HSF2BP: variants seen among roughly 807,000 people sequenced by gnomAD.
HSF2BP encodes heat shock transcription factor 2 binding protein.
Under a neutral mutation model 35.0 loss-of-function variants are expected in HSF2BP, and 35 were observed. The observed-to-expected ratio is 1.00, with a 90% CI of 0.76 to 1.32. The LOEUF (loss-of-function observed/expected upper bound fraction) is 1.32, where lower values mean the gene tolerates loss of function less well. Ranked by LOEUF, HSF2BP falls within the 40% of genes most tolerant of loss-of-function variation. HSF2BP has a pLI of 0.00. For synonymous variants in HSF2BP, 114 were observed against 117.4 expected (o/e 0.97, Z 0.18); for missense variants, 326 against 321.7 (o/e 1.01, Z -0.10).
intron 7 of HSF2BP, among the ~76,000 whole-genome samples, chr21:43,609,284 G>A (rs2082173238): frequency 6.6e-6 from 1 of 152,166 alleles, no homozygotes; most frequent in Non-Finnish European, 1.5e-5. Context: ...TCCAAAAGGA[G>A]AGAGGGAGGG....
At chr21:43,608,378 G>A (rs1478303080) in intron 7 of HSF2BP, among the ~76,000 whole-genome samples, 1 of 152,108 alleles carries the variant, frequency 6.6e-6, no homozygotes, top group African/African-American at 2.4e-5. Flanking sequence ...TCAGGGAAAC[G>A]CAAATCAAAA....
chr21:43,614,362 CA>C (rs142666316), intron 6 of HSF2BP, among the ~76,000 whole-genome samples: 4,701 of 75,442 alleles, frequency 0.062, 77 homozygotes, highest in Non-Finnish European at 0.084. Flanking sequence ...AGCCCTGTCT[CA>C]AAAAAAAAAA....
At chr21:43,581,846 A>AGATGAGGGCCTGCTGAGGGG (rs2081738906) in intron 8 of HSF2BP, among the ~76,000 whole-genome samples, 4 of 144,268 alleles carry the variant, frequency 2.8e-5, no homozygotes, top group Admixed American at 6.8e-5. Flanking sequence ...CTGCTGAGGG[A>AGATGAGGGCCTGCTGAGGGG]GATGAGGGCC....
chr21:43,647,591 A>G (rs1431626736), intron 3 of HSF2BP, among the ~76,000 whole-genome samples: 4 of 152,196 alleles, frequency 2.6e-5, no homozygotes, highest in Non-Finnish European at 5.9e-5. Flanking sequence ...TTGATGCTCA[A>G]TTTATTCACA....
rs558610482 is a variant in HSF2BP, at chr21:43,574,089, A to AG, written c.796+18135dup. Among the ~76,000 whole-genome samples the AG allele has an allele frequency of 1.5e-3, 229 of 152,286 alleles. 2 individuals are homozygous for AG. The highest frequency in any genetic ancestry group is 5.2e-3 in the African/African-American group (218 of 41,548). Reference sequence around the variant, plus strand: ...ACCAAGACCACTGTGGCGCTCTCACAGGGGGAGGAGGCCAGACCACAGGCC... The same window carrying AG: ...ACCAAGACCACTGTGGCGCTCTCACAGGGGGGAGGAGGCCAGACCACAGGCC... On this transcript the variant is annotated intron_variant, in intron 8 of 8. Transcript: ENST00000291560.
intron 8 of HSF2BP, among the ~76,000 whole-genome samples, chr21:43,588,371 T>C (rs748280887): frequency 5.3e-5 from 8 of 151,822 alleles, no homozygotes; most frequent in Non-Finnish European, 8.8e-5. Flanking sequence ...AGAGTGAAAC[T>C]CCATCTCAAA....
chr21:43,619,969 G>C (rs1014885296), intron 6 of HSF2BP, among the ~76,000 whole-genome samples: 5 of 152,170 alleles, frequency 3.3e-5, no homozygotes, highest in Admixed American at 3.3e-4. Flanking sequence ...TCCCCCATTC[G>C]GGATGGGCAA....
intron 1 of HSF2BP, among the ~76,000 whole-genome samples, chr21:43,658,850 G>A (rs755080658): frequency 4.6e-5 from 7 of 152,174 alleles, no homozygotes; most frequent in Non-Finnish European, 8.8e-5. Context: ...GGAGGAAGGC[G>A]AGCCCTCCAC....
At chr21:43,637,587 G>A (rs2082580418) in intron 4 of HSF2BP, among the ~76,000 whole-genome samples, 1 of 151,788 alleles carries the variant, frequency 6.6e-6, no homozygotes, top group Non-Finnish European at 1.5e-5. Flanking sequence ...AGGTTCACTT[G>A]ACAAGAGAGA....
chr21:43,587,678 A>G (rs985038108), intron 8 of HSF2BP, among the ~76,000 whole-genome samples: 7 of 151,306 alleles, frequency 4.6e-5, no homozygotes, highest in African/African-American at 7.3e-5. Flanking sequence ...AAAAAAAAAA[A>G]AAAAAAAAGG....
intron 3 of HSF2BP, among the ~76,000 whole-genome samples, chr21:43,655,904 C>T (rs534638983): frequency 2.0e-5 from 3 of 152,310 alleles, no homozygotes; most frequent in African/African-American, 7.2e-5. Flanking sequence ...ACAAGTGCTA[C>T]AGCTACCTGG....
intron 7 of HSF2BP, among the ~76,000 whole-genome samples, chr21:43,594,556 G>C (rs1601635586): frequency 6.6e-6 from 1 of 152,090 alleles, no homozygotes; most frequent in African/African-American, 2.4e-5. Context: ...AAAGAAACAA[G>C]GGTAAACTTT....
In HSF2BP at chr21:43,584,096, G is replaced by A. The variant is rs547925052; in HGVS notation, c.796+8129C>T. The stretch of plus-strand genomic sequence containing the variant: ...GAGGGAGATGAAGGGCCTGCTGAGG[G>A]AGATGAAGACCTGCTAAGGGGGATA... On this transcript the variant is annotated intron_variant, in intron 8 of 8. Transcript: ENST00000291560. 1.5e-3 allele frequency among the ~76,000 whole-genome samples: 224 copies of A among 146,484 alleles called. 3 individuals carry two copies. Among genetic ancestry groups the A allele is most frequent in the African/African-American group, 5.3e-3 (206 of 39,130 alleles).
chr21:43,467,774 C>G, the HSF2BP span, among the ~76,000 whole-genome samples: 103 of 60,584 alleles, frequency 1.7e-3, no homozygotes, highest in Middle Eastern at 8.1e-3. Context: ...ACCACACACA[C>G]CACACCACAA....
chr21:43,586,942 C>T (rs1814466850), intron 8 of HSF2BP, among the ~76,000 whole-genome samples: 2 of 152,092 alleles, frequency 1.3e-5, no homozygotes, highest in African/African-American at 2.4e-5. Flanking sequence ...ATTAGAAGAG[C>T]TTCTTATCTG....
intron 2 of HSF2BP, chr21:43,657,727 G>A (rs948010596): frequency 8.5e-6 from 5 of 591,716 alleles, no homozygotes; most frequent in Non-Finnish European, 8.5e-6. Flanking sequence ...GAAGCAGGGG[G>A]CCAGGGCCTT....
At chr21:43,595,597 G>C (rs1258709113) in intron 7 of HSF2BP, among the ~76,000 whole-genome samples, 1 of 151,952 alleles carries the variant, frequency 6.6e-6, no homozygotes, top group Non-Finnish European at 1.5e-5. Context: ...GGTCGAGGCT[G>C]CAATGAGCTG....
intron 7 of HSF2BP, among the ~76,000 whole-genome samples, chr21:43,598,862 G>A (rs2082018121): frequency 6.6e-6 from 1 of 152,146 alleles, no homozygotes; most frequent in African/African-American, 2.4e-5. Flanking sequence ...CAGAGAGTTG[G>A]AATTCCTTAG....
At chr21:43,655,968 T>C (rs910411411) in intron 3 of HSF2BP, among the ~76,000 whole-genome samples, 1 of 152,164 alleles carries the variant, frequency 6.6e-6, no homozygotes, top group Non-Finnish European at 1.5e-5. Flanking sequence ...AACAACCAAA[T>C]GTCATGCAGT....
Sources: allele counts gnomAD v4.1 joint callset (sites outside exome capture counted in the v4.1 genomes callset), GRCh38; gene constraint gnomAD v4.1.1; transcripts MANE v1.5; gene names NCBI Gene and HGNC (gene_info 2026-07-23, HGNC 2026-07-21).